ENOX2: variants seen among roughly 807,000 people sequenced by gnomAD.
The protein encoded by ENOX2 is APK1 antigen.
In ENOX2, 36 loss-of-function variants were observed where a neutral mutation model predicts 45.0. That is an observed-to-expected ratio of 0.80 (90% confidence interval 0.61 to 1.06). ENOX2 has a LOEUF of 1.06. Ranked by LOEUF, ENOX2 falls within the 50% of genes least tolerant of loss-of-function variation. ENOX2 has a pLI of 0.00. For synonymous variants in ENOX2, 174 were observed against 152.3 expected, an observed-to-expected ratio of 1.14 and a Z score of -1.05; for missense variants, 423 against 462.5, an observed-to-expected ratio of 0.91 and a Z score of 0.78.
chrX:130,858,361 G>A (rs995427862), intron 2 of ENOX2, among the ~76,000 whole-genome samples: 1 of 109,959 alleles, frequency 9.1e-6, no homozygotes, highest in Non-Finnish European at 1.9e-5. Context: ...CAGGTGATCC[G>A]CCCGCCTCCG....
At chrX:130,871,477 T>C (rs1392344776) in intron 2 of ENOX2, among the ~76,000 whole-genome samples, 4 of 110,478 alleles carry the variant, frequency 3.6e-5, no homozygotes, top group African/African-American at 1.3e-4. Context: ...CAATCAAACA[T>C]TAGATTGGGT....
intron 10 of ENOX2, chrX:130,646,327 T>G: frequency 3.5e-6 from 1 of 289,413 alleles, no homozygotes; most frequent in South Asian, 4.5e-5. Flanking sequence ...CTTCCCTGCA[T>G]GACAGGCCAG....
At chrX:130,643,819 C>G (rs1462913942) in intron 10 of ENOX2, among the ~76,000 whole-genome samples, 1 of 112,060 alleles carries the variant, frequency 8.9e-6, no homozygotes, top group Non-Finnish European at 1.9e-5. Flanking sequence ...GAACTCAACA[C>G]CACCATCAAA....
intron 3 of ENOX2, among the ~76,000 whole-genome samples, chrX:130,763,428 G>A (rs2039540229): frequency 9.0e-6 from 1 of 111,227 alleles, no homozygotes; most frequent in African/African-American, 3.3e-5. Context: ...TCTCCTGGAG[G>A]TCTCCTCTGA....
chrX:130,875,780 A>C (rs1467839597), intron 2 of ENOX2, among the ~76,000 whole-genome samples: 1 of 112,139 alleles, frequency 8.9e-6, no homozygotes, highest in African/African-American at 3.2e-5. Flanking sequence ...CAGAAGCAAC[A>C]AAAGAAAAAA....
chrX:130,825,322 A>T (rs1211714879), intron 2 of ENOX2, among the ~76,000 whole-genome samples: 2 of 111,523 alleles, frequency 1.8e-5, no homozygotes, highest in Non-Finnish European at 3.8e-5. Flanking sequence ...TCCTAAATTC[A>T]TACATGTGTA....
At chrX:130,786,161 G>A (rs1454131071) in intron 2 of ENOX2, among the ~76,000 whole-genome samples, 1 of 112,451 alleles carries the variant, frequency 8.9e-6, no homozygotes, top group Non-Finnish European at 1.9e-5. Flanking sequence ...GGGGGTAGAT[G>A]ACTCATTCTT....
At chrX:130,723,008 C>T (rs768722655) in intron 3 of ENOX2, among the ~76,000 whole-genome samples, 13 of 112,273 alleles carry the variant, frequency 1.2e-4, no homozygotes, top group South Asian at 7.5e-4. Flanking sequence ...TCCCATACAG[C>T]GAAGTCACTT....
chrX:130,880,098 G>A (rs1195184959), intron 2 of ENOX2, among the ~76,000 whole-genome samples: 2 of 111,641 alleles, frequency 1.8e-5, no homozygotes, highest in Non-Finnish European at 3.8e-5. Flanking sequence ...TTCTGGGAGT[G>A]AGTTTGAATG....
At chrX:130,639,051 C>T (rs1040803671) in intron 10 of ENOX2, among the ~76,000 whole-genome samples, 2 of 112,022 alleles carry the variant, frequency 1.8e-5, no homozygotes, top group African/African-American at 6.5e-5. Flanking sequence ...AGCTCCCACA[C>T]ATTTGTAAGT....
intron 3 of ENOX2, among the ~76,000 whole-genome samples, chrX:130,747,562 C>T (rs2039125462): frequency 8.9e-6 from 1 of 112,300 alleles, no homozygotes; most frequent in Admixed American, 9.4e-5. Context: ...TTTGGAGTTT[C>T]ACCCCTTGGT....
chrX:130,673,204 C>T (rs778309371), intron 6 of ENOX2, among the ~76,000 whole-genome samples: 25 of 111,056 alleles, frequency 2.3e-4, no homozygotes, highest in Non-Finnish European at 4.0e-4. Flanking sequence ...AGTTGGGGGA[C>T]GTCCCATCCA....
intron 2 of ENOX2, among the ~76,000 whole-genome samples, chrX:130,816,030 A>C (rs1261554045): frequency 8.9e-6 from 1 of 111,966 alleles, no homozygotes; most frequent in Non-Finnish European, 1.9e-5. Context: ...ACACAGGCTC[A>C]AAATAAAGGG....
chrX:130,877,280 A>G (rs186845647), intron 2 of ENOX2, among the ~76,000 whole-genome samples: 160 of 112,256 alleles, frequency 1.4e-3, no homozygotes, highest in African/African-American at 4.8e-3. Flanking sequence ...CAAAGGGCAC[A>G]TCTACTGGAT....
chrX:130,898,378 T>C (rs1221405626), intron 2 of ENOX2, among the ~76,000 whole-genome samples: 2 of 112,163 alleles, frequency 1.8e-5, no homozygotes, highest in Non-Finnish European at 3.8e-5. Context: ...AGGTTAAAAG[T>C]AGAAGTCATA....
At chrX:130,732,377 C>A (rs1569494524) in intron 3 of ENOX2, among the ~76,000 whole-genome samples, 1 of 111,645 alleles carries the variant, frequency 9.0e-6, no homozygotes, top group Admixed American at 9.5e-5. Flanking sequence ...AAAAGACATT[C>A]CATGTTCATG....
At chrX:130,632,661 T>C (rs963260571) in intron 12 of ENOX2, among the ~76,000 whole-genome samples, 3 of 111,912 alleles carry the variant, frequency 2.7e-5, no homozygotes, top group African/African-American at 9.8e-5. Context: ...AGGGACAGGA[T>C]TCCTTCTGTT....
intron 4 of ENOX2, among the ~76,000 whole-genome samples, chrX:130,694,859 T>C (rs759470505): frequency 2.7e-5 from 3 of 111,131 alleles, no homozygotes; most frequent in Non-Finnish European, 5.7e-5. Context: ...TGCTGTAAAA[T>C]GCCAACTTTT....
chrX:130,758,357 A>C (rs192686857), intron 3 of ENOX2, among the ~76,000 whole-genome samples: 1 of 112,431 alleles, frequency 8.9e-6, no homozygotes, highest in East Asian at 2.8e-4. Context: ...AATGTTATAT[A>C]AATGGAATCA....
Sources: gnomAD v4.1 joint callset for allele counts (sites outside exome capture counted in the v4.1 genomes callset) on GRCh38, gnomAD v4.1.1 for gene constraint, MANE v1.5 for transcripts, NCBI Gene and HGNC (gene_info 2026-07-23, HGNC 2026-07-21) for gene names.